Variants in CEP41 observed in about 807,000 individuals in gnomAD.
CEP41 encodes centrosomal protein of 41 kDa.
In CEP41, 32 loss-of-function variants were observed where a neutral mutation model predicts 44.3. The observed-to-expected ratio is 0.72, with a 90% CI of 0.54 to 0.97. CEP41 has a LOEUF of 0.97. Ranked by LOEUF, CEP41 falls within the 50% of genes least tolerant of loss-of-function variation. The pLI, the probability that CEP41 is intolerant of heterozygous loss-of-function variation, is 0.00. For missense variants in CEP41, 432 were observed against 455.2 expected, an observed-to-expected ratio of 0.95 and a Z score of 0.46; for synonymous variants, 151 against 168.5, an observed-to-expected ratio of 0.90 and a Z score of 0.80.
intron 1 of CEP41, among the ~76,000 whole-genome samples, chr7:130,430,077 T>TA (rs1797779540): frequency 6.6e-6 from 1 of 152,168 alleles, no homozygotes; most frequent in Non-Finnish European, 1.5e-5. Context: ...ACGTATAAAA[T>TA]AAGGGTTTAA....
At chr7:130,418,297 A>G (rs1343309049) in intron 2 of CEP41, among the ~76,000 whole-genome samples, 3 of 152,166 alleles carry the variant, frequency 2.0e-5, no homozygotes, top group Non-Finnish European at 2.9e-5. Context: ...AGAACCAAAT[A>G]CAGTCTTTCC....
intron 5 of CEP41, among the ~76,000 whole-genome samples, chr7:130,407,441 T>C (rs1308276949): frequency 6.6e-6 from 1 of 152,064 alleles, no homozygotes; most frequent in Non-Finnish European, 1.5e-5. Flanking sequence ...TAGGGGTGAT[T>C]TGGAGACCTG....
chr7:130,400,015 T>G, intron 10 of CEP41, 24 bp downstream of exon 10: 3 of 1,478,204 alleles, frequency 2.0e-6, no homozygotes, highest in Non-Finnish European at 2.8e-6. Flanking sequence ...CCAAACATTA[T>G]CTTTAAAGGT....
chr7:130,414,971 GA>G (rs1554420575), intron 3 of CEP41, among the ~76,000 whole-genome samples: 6 of 152,172 alleles, frequency 3.9e-5, no homozygotes, highest in African/African-American at 1.4e-4. Flanking sequence ...CGAGTTACTG[GA>G]AGGACAGAGA....
rs1796664714 is a variant in CEP41 at position 130,396,560 on chromosome 7, AC to A, written c.*2330del. 1 of 454,454 alleles carries A rather than the reference AC, an allele frequency of 2.2e-6. No individual in the cohort carries two copies. Among genetic ancestry groups the A allele is most frequent in the Non-Finnish European group, 4.4e-6 (1 of 226,788 alleles). 28.2% of individuals were successfully genotyped at this position (454,454 alleles called of 1,614,324 possible). A position where few individuals can be genotyped will look rare whatever the true frequency, so the allele number is the denominator to read the frequency against. On this transcript the variant is annotated 3_prime_UTR_variant, in exon 11 of 11. Coordinates refer to ENST00000223208, the MANE Select transcript of CEP41 (RefSeq NM_018718.3). ...TAGTAACTATGTACTTTAATCTTCA[AC>A]ATTCATAATTGCACAAAGCATCACT...
At chr7:130,399,827 A>AAC in intron 10 of CEP41, 1 of 534,684 alleles carries the variant, frequency 1.9e-6, no homozygotes. Flanking sequence ...CTCAAAAAAA[A>AAC]AAAAAGTCGC....
chr7:130,431,196 T>C (rs1167058410), intron 1 of CEP41, among the ~76,000 whole-genome samples: 1 of 152,016 alleles, frequency 6.6e-6, no homozygotes, highest in Admixed American at 6.6e-5. Flanking sequence ...TTTTTTTATT[T>C]AAAATTCTTG....
At position 130,427,281 on chromosome 7, in the gene CEP41, A is replaced by C. The variant is rs74990598; in HGVS notation, c.97+674T>G. Among the ~76,000 whole-genome samples the C allele has an allele frequency of 3.0e-3, 457 of 152,334 alleles. 5 individuals are homozygous for C. Among genetic ancestry groups the C allele is most frequent in the African/African-American group, 0.011 (440 of 41,570 alleles). The stretch of plus-strand genomic sequence containing the variant: ...GCAGGCTTTAAAAGGTTGAAAAAAA[A>C]CAAAAACAAACAACCAAAACCTCAC... On this transcript the variant is annotated intron_variant, in intron 2 of 10. Transcript: ENST00000223208.
chr7:130,400,685 A>G, intron 9 of CEP41, 22 bp downstream of exon 9: 1 of 1,460,822 alleles, frequency 6.8e-7, no homozygotes, highest in South Asian at 1.2e-5. Context: ...TGAAGTCCCA[A>G]GCAGAGTATC....
At chr7:130,419,752 C>G in intron 2 of CEP41, 3 of 985,256 alleles carry the variant, frequency 3.0e-6, no homozygotes, top group Non-Finnish European at 3.6e-6. Context: ...GCCTTAATTA[C>G]TTAACTTGAC....
At chr7:130,416,205 C>T (rs1052064698) in intron 3 of CEP41, among the ~76,000 whole-genome samples, 1 of 152,222 alleles carries the variant, frequency 6.6e-6, no homozygotes, top group Non-Finnish European at 1.5e-5. Flanking sequence ...AACTAAATAT[C>T]CCCTAGCACT....
intron 2 of CEP41, among the ~76,000 whole-genome samples, chr7:130,418,572 T>C (rs1554421383): frequency 6.6e-6 from 1 of 152,178 alleles, no homozygotes; most frequent in African/African-American, 2.4e-5. Context: ...ACGTGGCAGG[T>C]AGTTTCTTTC....
At chr7:130,419,581 TA>T (rs200757612) in intron 2 of CEP41, 2 of 982,314 alleles carry the variant, frequency 2.0e-6, no homozygotes, top group East Asian at 1.1e-4. Flanking sequence ...CAATTTTTTT[TA>T]AAAAAAATTG....
rs1347138954 is a variant in CEP41, at chr7:130,398,449, C to A, written c.*442G>T. 8 of 453,984 alleles carry A rather than the reference C, an allele frequency of 1.8e-5. No homozygotes were observed. Among genetic ancestry groups the A allele is most frequent in the Non-Finnish European group, 3.1e-5 (7 of 226,944 alleles). 28.1% of individuals were successfully genotyped at this position (453,984 alleles called of 1,614,324 possible). On this transcript the variant is annotated 3_prime_UTR_variant, in exon 11 of 11. Transcript: ENST00000223208. Reference sequence around the variant, plus strand: ...AACAGCTTCTCACACCAAGACTGCCCGGAGAAGCCTTCATGAAGTCAAGAA... The same window carrying A: ...AACAGCTTCTCACACCAAGACTGCCAGGAGAAGCCTTCATGAAGTCAAGAA...
intron 2 of CEP41, among the ~76,000 whole-genome samples, chr7:130,427,544 T>C (rs6947103): frequency 2.8e-4 from 43 of 152,350 alleles, no homozygotes; most frequent in African/African-American, 1.0e-3. Flanking sequence ...ACTTGCCATA[T>C]GGTCAGCACT....
chr7:130,438,591 ACTTAACCAATCTCATTTCCAGTCCTGG>A (rs1798047152), intron 1 of CEP41, among the ~76,000 whole-genome samples: 1 of 151,956 alleles, frequency 6.6e-6, no homozygotes, highest in African/African-American at 2.4e-5. Context: ...AATAGTAACC[ACTTAACCAATCTCATTTCCAGTCCTGG>A]AGCCTCCTCA....
chr7:130,402,885 A>G (rs1172591240), intron 6 of CEP41, 86 bp from the exon 7 acceptor site: 1 of 1,362,294 alleles, frequency 7.3e-7, no homozygotes, highest in African/African-American at 1.4e-5. Flanking sequence ...TAGTGAGGTG[A>G]GTGCTCAATG....
chr7:130,424,273 G>A (rs914159630), intron 2 of CEP41, among the ~76,000 whole-genome samples: 2 of 151,722 alleles, frequency 1.3e-5, no homozygotes, highest in Admixed American at 6.6e-5. Flanking sequence ...GGTGGCGCCC[G>A]CCTGTGATCC....
chr7:130,421,424 C>T (rs1797504832), intron 2 of CEP41: 25 of 985,398 alleles, frequency 2.5e-5, no homozygotes, highest in Non-Finnish European at 2.9e-5. Flanking sequence ...CTTTGTTAAC[C>T]TCAATAAGTG....
Sources: allele counts gnomAD v4.1 joint callset (sites outside exome capture counted in the v4.1 genomes callset), GRCh38; gene constraint gnomAD v4.1.1; transcripts MANE v1.5; gene names NCBI Gene and HGNC (gene_info 2026-07-23, HGNC 2026-07-21).